IL17RD: variants seen among roughly 807,000 people sequenced by gnomAD.
IL17RD encodes interleukin 17 receptor D.
IL17RD carries 52 observed loss-of-function variants against 80.5 expected under a neutral mutation model. The observed-to-expected ratio is 0.65, with a 90% CI of 0.52 to 0.81. The LOEUF (loss-of-function observed/expected upper bound fraction) is 0.81, where lower values mean the gene tolerates loss of function less well. Ranked by LOEUF, IL17RD falls within the 40% of genes least tolerant of loss-of-function variation. IL17RD has a pLI of 0.00. For missense variants in IL17RD, 1,024 were observed against 955.1 expected, an observed-to-expected ratio of 1.07 and a Z score of -0.95; for synonymous variants, 416 against 391.8, an observed-to-expected ratio of 1.06 and a Z score of -0.73.
chr3:57,099,762 G>A (rs904925052), intron 11 of IL17RD, among the ~76,000 whole-genome samples: 6 of 152,136 alleles, frequency 3.9e-5, no homozygotes. Flanking sequence ...CATCACAAAT[G>A]GGACAATATT....
chr3:57,122,407 C>T (rs1306626440), intron 1 of IL17RD, among the ~76,000 whole-genome samples: 4 of 152,208 alleles, frequency 2.6e-5, no homozygotes, highest in Admixed American at 6.5e-5. Flanking sequence ...GGTCCTGGTC[C>T]ATGGCCTGTT....
intron 1 of IL17RD, among the ~76,000 whole-genome samples, chr3:57,139,669 C>T (rs941621566): frequency 1.3e-5 from 2 of 151,992 alleles, no homozygotes; most frequent in South Asian, 2.1e-4. Context: ...CGTGCCACCA[C>T]GCCAGGCTAA....
intron 1 of IL17RD, among the ~76,000 whole-genome samples, chr3:57,158,022 T>C (rs558762451): frequency 2.6e-5 from 4 of 152,336 alleles, no homozygotes; most frequent in African/African-American, 9.6e-5. Flanking sequence ...AAAAGTTGTA[T>C]TTAAGGCCTA....
At chr3:57,149,917 T>C (rs1042937461) in intron 1 of IL17RD, among the ~76,000 whole-genome samples, 1 of 152,244 alleles carries the variant, frequency 6.6e-6, no homozygotes, top group African/African-American at 2.4e-5. Context: ...CACAGTACAA[T>C]TGACAGTTTT....
Position 57,098,394 on chromosome 3 carries a change from G to C in IL17RD, c.1309C>G (p.His437Asp). ...CCCGAGCCTCGGCCACCTCCTTTGT[G>C]TTTGTAGTTCTTCTTGTCCACAAAG... ...KYFVDKKNYK[H>D]KGGGRGSGKG... Residue 437 changes from histidine to aspartate, a missense_variant, in exon 12 of 13, where the codon CAC (histidine) becomes GAC (aspartate). Physicochemically the swap from His to Asp is moderately conservative, Grantham distance 81. Coordinates refer to ENST00000296318, the MANE Select transcript of IL17RD (RefSeq NM_017563.5). 6.2e-7 allele frequency: 1 copy of C among 1,614,018 alleles called. No individual in the cohort carries two copies.
In IL17RD at chr3:57,158,693, G is replaced by T. The variant is rs60665947; in HGVS notation, c.126+6468C>A. Among the ~76,000 whole-genome samples the T allele has an allele frequency of 1.4e-4, 22 of 152,314 alleles. No homozygotes were observed. The East Asian group carries it at 4.2e-3, about 29-fold the overall frequency. The stretch of plus-strand genomic sequence containing the variant: ...GGAGTTGCAAACATCAATGTTAACA[G>T]TCTCTATTAGAAACTAGTTATTCGT... On this transcript the variant is annotated intron_variant, in intron 1 of 12. Coordinates refer to ENST00000296318, the MANE Select transcript of IL17RD (RefSeq NM_017563.5).
chr3:57,109,622 A>C lies in IL17RD; in HGVS notation c.465T>G (p.Phe155Leu). 1.2e-6 allele frequency: 2 copies of C among 1,613,620 alleles called. No homozygotes were observed. Among genetic ancestry groups the C allele is most frequent in the Non-Finnish European group, 1.7e-6 (2 of 1,179,638 alleles). ...CAACCTTTACGAAATAATCCGTTTC[A>C]AATTTCATATTCAGGAAAGGTTGAG... ...MESQPFLNMK[F>L]ETDYFVKVVP... Residue 155 changes from phenylalanine to leucine, a missense_variant, in exon 5 of 13, where the codon TTT becomes TTG. Transcript: ENST00000296318.
In IL17RD at chr3:57,098,456, T is replaced by G. The variant is rs1395684961; in HGVS notation, c.1247A>C (p.Gln416Pro). 1.2e-6 allele frequency: 2 copies of G among 1,613,996 alleles called. No homozygotes were observed. Among genetic ancestry groups the G allele is most frequent in the Admixed American group, 1.7e-5 (1 of 60,024 alleles). The change falls in exon 12 of 13, where the codon CAG becomes CCG. Residue 416 changes from glutamine to proline, a missense_variant. Transcript: ENST00000296318. ...TTTGGAACAAACCACAATGATGAAC[T>G]GGGACTCGTGGATCTTCTGGATGAC... ...EWVIQKIHES[Q>P]FIIVVCSKGM... is the part of the protein sequence containing the mutation.
chr3:57,108,088 C>A (rs1380626257), intron 5 of IL17RD, among the ~76,000 whole-genome samples: 2 of 149,942 alleles, frequency 1.3e-5, no homozygotes, highest in African/African-American at 2.5e-5. Flanking sequence ...GAGATGGAGT[C>A]TTGCTCTGTG....
At chr3:57,119,074 C>A (rs188686478) in intron 2 of IL17RD, among the ~76,000 whole-genome samples, 3 of 151,982 alleles carry the variant, frequency 2.0e-5, no homozygotes, top group African/African-American at 7.3e-5. Context: ...GGTGTGTGGC[C>A]GGGCGCGGTG....
intron 1 of IL17RD, among the ~76,000 whole-genome samples, chr3:57,164,309 G>C (rs2060329604): frequency 6.6e-6 from 1 of 152,206 alleles, no homozygotes; most frequent in African/African-American, 2.4e-5. Flanking sequence ...CCCAAGGCCA[G>C]AAGCCCAGGT....
upstream of IL17RD, among the ~76,000 whole-genome samples, chr3:57,167,895 A>G (rs780446459): frequency 6.6e-6 from 1 of 152,064 alleles, no homozygotes; most frequent in Non-Finnish European, 1.5e-5. Context: ...GAGTGATGCA[A>G]TCTTGGCTCA....
chr3:57,152,207 A>G (rs1160966837), intron 1 of IL17RD, among the ~76,000 whole-genome samples: 1 of 151,944 alleles, frequency 6.6e-6, no homozygotes, highest in Non-Finnish European at 1.5e-5. Context: ...ACCAAAGCAT[A>G]CCCTCACCCG....
intron 11 of IL17RD, among the ~76,000 whole-genome samples, chr3:57,098,783 C>T (rs1286137847): frequency 6.6e-6 from 1 of 152,234 alleles, no homozygotes; most frequent in Non-Finnish European, 1.5e-5. Flanking sequence ...CACATGGAGT[C>T]ATTACCACTC....
chr3:57,165,381 C>T, upstream of IL17RD: 7 of 1,085,990 alleles, frequency 6.4e-6, no homozygotes, highest in Non-Finnish European at 8.0e-6. Context: ...GCCGCGGCGG[C>T]AGCGAAGGGG....
At chr3:57,109,034 C>T (rs1267221949) in intron 5 of IL17RD, among the ~76,000 whole-genome samples, 3 of 152,130 alleles carry the variant, frequency 2.0e-5, no homozygotes, top group Admixed American at 6.5e-5. Context: ...TGGGTCTATC[C>T]GGTTAGATGA....
Position 57,098,280 on chromosome 3 carries a change from A to G in IL17RD, c.1423T>C (p.Phe475Leu), listed in dbSNP as rs1369458279. ...KQSSSAALSKFIAVYFDYSCE... is the reference protein window; with the variant it reads ...KQSSSAALSKLIAVYFDYSCE... ...GAATAATCAAAGTAGACGGCGATAA[A>G]CTTGCTGAGCGCCGCGGACGAACTC... The change falls in exon 12 of 13, where the codon TTT (phenylalanine) becomes CTT (leucine). Residue 475 changes from phenylalanine (F) to leucine (L), a missense_variant. By Grantham distance (22) the Phe-to-Leu change is conservative (BLOSUM62 0). Transcript: ENST00000296318. 1.2e-6 allele frequency: 2 copies of G among 1,613,758 alleles called. No individual in the cohort carries two copies. The highest frequency in any genetic ancestry group is 8.5e-7 in the Non-Finnish European group (1 of 1,179,858).
rs372824452 is a variant in IL17RD, at chr3:57,097,581, C to G, written c.2107+15G>C. On this transcript the variant is annotated intron_variant, in intron 12 of 12. Transcript: ENST00000296318. ...GGCTGCGGCCTGTTAGGACCCGGCC[C>G]CAAAGGCACCTTACCCAGGCCTGAA... The G allele has an allele frequency of 4.5e-6, 7 of 1,556,412 alleles. No individual in the cohort carries two copies. Among genetic ancestry groups the G allele is most frequent in the Non-Finnish European group, 6.1e-6 (7 of 1,148,552 alleles).
chr3:57,157,578 A>G (rs886418947), intron 1 of IL17RD, among the ~76,000 whole-genome samples: 1 of 152,262 alleles, frequency 6.6e-6, no homozygotes, highest in African/African-American at 2.4e-5. Flanking sequence ...TGCTGCACCC[A>G]GAGCAAATGT....
Sources: allele counts gnomAD v4.1 joint callset (sites outside exome capture counted in the v4.1 genomes callset), GRCh38; gene constraint gnomAD v4.1.1; transcripts MANE v1.5; gene names NCBI Gene and HGNC (gene_info 2026-07-23, HGNC 2026-07-21).